Variants in TYW1 observed in about 807,000 individuals in gnomAD.
The protein encoded by TYW1 is S-adenosyl-L-methionine-dependent tRNA 4-demethylwyosine synthase TYW1.
TYW1 carries 46 observed loss-of-function variants against 96.2 expected under a neutral mutation model. The observed-to-expected ratio is 0.48, with a 90% CI of 0.38 to 0.61. TYW1 has a LOEUF of 0.61. TYW1 is among the 20% of genes least tolerant of loss of function. TYW1 has a pLI of 0.00. For synonymous variants in TYW1, 274 were observed against 323.0 expected (o/e 0.85, Z 1.63); for missense variants, 684 against 909.6 (o/e 0.75, Z 3.19).
At chr7:67,045,653 G>T (rs1189386296) in intron 7 of TYW1, among the ~76,000 whole-genome samples, 1 of 152,230 alleles carries the variant, frequency 6.6e-6, no homozygotes, top group East Asian at 1.9e-4. Context: ...ATTTTCATAA[G>T]TGCTTAGGAA....
chr7:67,201,158 G>A (rs1800586040), intron 15 of TYW1, among the ~76,000 whole-genome samples: 1 of 151,262 alleles, frequency 6.6e-6, no homozygotes, highest in Non-Finnish European at 1.5e-5. Flanking sequence ...GCAAGACAGA[G>A]AAACCAGTTA....
At chr7:67,217,344 A>G (rs543323304) in intron 15 of TYW1, among the ~76,000 whole-genome samples, 1 of 152,270 alleles carries the variant, frequency 6.6e-6, no homozygotes, top group African/African-American at 2.4e-5. Context: ...ATTCAATGTC[A>G]TGAAGCTTTT....
chr7:67,191,219 C>G (rs1037261445), intron 14 of TYW1, among the ~76,000 whole-genome samples: 1 of 152,142 alleles, frequency 6.6e-6, no homozygotes, highest in Non-Finnish European at 1.5e-5. Flanking sequence ...TGGGCTCCAC[C>G]CCCAACACTG....
intron 13 of TYW1, among the ~76,000 whole-genome samples, chr7:67,120,421 G>A (rs947597825): frequency 4.6e-5 from 7 of 152,140 alleles, no homozygotes; most frequent in African/African-American, 1.7e-4. Context: ...ACTCAACAGA[G>A]ATTTGTAAAG....
At chr7:67,031,116 C>A (rs1195266105) in intron 7 of TYW1, among the ~76,000 whole-genome samples, 10 of 135,928 alleles carry the variant, frequency 7.4e-5, no homozygotes, top group African/African-American at 2.5e-4. Context: ...TCACTTGAAC[C>A]CGGGAGGCGG....
intron 13 of TYW1, among the ~76,000 whole-genome samples, chr7:67,151,841 C>T (rs1690337316): frequency 6.6e-6 from 1 of 152,090 alleles, no homozygotes; most frequent in South Asian, 2.1e-4. Flanking sequence ...GGGACTTGCT[C>T]TTTTGACCAG....
At position 67,102,416 on chromosome 7, in the gene TYW1, C is replaced by A. The variant is rs189952108; in HGVS notation, c.1562+3698C>A. 2.1e-3 allele frequency among the ~76,000 whole-genome samples: 325 copies of A among 152,210 alleles called. 2 individuals are homozygous for A. Among genetic ancestry groups the A allele is most frequent in the African/African-American group, 7.5e-3 (311 of 41,522 alleles). ...TACTAGCCTTGATTGCCATCTTCAA[C>A]AAACAAATGAGATAGAATGGCATAT... On this transcript the variant is annotated intron_variant, in intron 12 of 15. Coordinates refer to ENST00000359626, the MANE Select transcript of TYW1 (RefSeq NM_018264.4).
chr7:67,160,115 A>G (rs1352788375), intron 13 of TYW1, among the ~76,000 whole-genome samples: 1 of 151,996 alleles, frequency 6.6e-6, no homozygotes, highest in African/African-American at 2.4e-5. Flanking sequence ...AAAATTTTTA[A>G]GTTGAGCCAG....
intron 13 of TYW1, among the ~76,000 whole-genome samples, chr7:67,144,363 A>T (rs1184074554): frequency 6.6e-6 from 1 of 152,222 alleles, no homozygotes; most frequent in Non-Finnish European, 1.5e-5. Flanking sequence ...TTTGATTCAT[A>T]TATCATCAGA....
chr7:67,006,692 G>A (rs1395703214), intron 3 of TYW1, among the ~76,000 whole-genome samples: 1 of 151,912 alleles, frequency 6.6e-6, no homozygotes, highest in Non-Finnish European at 1.5e-5. Context: ...CGCCCGCCTT[G>A]ACCTCCCAAA....
chr7:67,046,413 C>T (rs1304314496), intron 7 of TYW1, among the ~76,000 whole-genome samples: 1 of 152,116 alleles, frequency 6.6e-6, no homozygotes, highest in Non-Finnish European at 1.5e-5. Flanking sequence ...GTTTACTACA[C>T]ATAATTGAAC....
At chr7:67,063,344 T>C (rs2115645802) in intron 9 of TYW1, among the ~76,000 whole-genome samples, 1 of 152,340 alleles carries the variant, frequency 6.6e-6, no homozygotes, top group Middle Eastern at 3.4e-3. Context: ...AGTAAATGCT[T>C]TTCCCATTAG....
intron 13 of TYW1, among the ~76,000 whole-genome samples, chr7:67,156,289 C>A (rs1386135948): frequency 6.6e-6 from 1 of 152,226 alleles, no homozygotes; most frequent in Non-Finnish European, 1.5e-5. Context: ...CGGACCAATC[C>A]TCAGGCCCCT....
chr7:67,036,636 A>G (rs2129253480), intron 7 of TYW1, among the ~76,000 whole-genome samples: 1 of 152,346 alleles, frequency 6.6e-6, no homozygotes, highest in South Asian at 2.1e-4. Context: ...CACTCACTGG[A>G]GGCTGGCTCC....
intron 15 of TYW1, among the ~76,000 whole-genome samples, chr7:67,199,039 A>G (rs1800499748): frequency 6.6e-6 from 1 of 152,024 alleles, no homozygotes; most frequent in Admixed American, 6.6e-5. Context: ...CTATTTAAAA[A>G]TAGAAAAATT....
At chr7:67,232,091 C>A (rs1483197287) in intron 15 of TYW1, among the ~76,000 whole-genome samples, 1 of 150,456 alleles carries the variant, frequency 6.6e-6, no homozygotes, top group African/African-American at 2.5e-5. Context: ...ATTAGCCGGG[C>A]GTGGTGGCGT....
At chr7:67,023,946 T>C (rs1037685672) in intron 6 of TYW1, among the ~76,000 whole-genome samples, 2 of 152,190 alleles carry the variant, frequency 1.3e-5, no homozygotes, top group Non-Finnish European at 2.9e-5. Context: ...ACATCATAAG[T>C]AGTTAAGGAT....
chr7:67,236,868 A>G (rs905391119), intron 15 of TYW1, among the ~76,000 whole-genome samples: 27 of 151,734 alleles, frequency 1.8e-4, no homozygotes, highest in Non-Finnish European at 2.8e-4. Context: ...TCCTTAGTTC[A>G]TTTAGTTCAT....
At chr7:67,149,466 T>A (rs1447331276) in intron 13 of TYW1, among the ~76,000 whole-genome samples, 3 of 152,102 alleles carry the variant, frequency 2.0e-5, no homozygotes, top group Non-Finnish European at 4.4e-5. Context: ...TTCCTAGGAA[T>A]AAAAAAAATT....
Sources: gnomAD v4.1 joint callset for allele counts (sites outside exome capture counted in the v4.1 genomes callset) on GRCh38, gnomAD v4.1.1 for gene constraint, MANE v1.5 for transcripts, NCBI Gene and HGNC (gene_info 2026-07-23, HGNC 2026-07-21) for gene names.